Variants in SEMA3A observed in about 807,000 individuals in gnomAD.
SEMA3A encodes semaphorin-3A.
A neutral mutation model predicts 97.9 loss-of-function variants in SEMA3A; 29 were observed. The ratio of observed to expected loss-of-function variants is 0.30; its 90% CI spans 0.22 to 0.40. SEMA3A has a LOEUF of 0.40. SEMA3A is among the 10% of genes least tolerant of loss of function. SEMA3A has a pLI of 1.00. For synonymous variants in SEMA3A, 321 were observed against 323.7 expected, an observed-to-expected ratio of 0.99 and a Z score of 0.09; for missense variants, 763 against 951.3, an observed-to-expected ratio of 0.80 and a Z score of 2.60.
intron 2 of SEMA3A, among the ~76,000 whole-genome samples, chr7:84,353,455 G>A (rs1802482926): frequency 6.6e-6 from 1 of 151,614 alleles, no homozygotes; most frequent in African/African-American, 2.4e-5. Flanking sequence ...AAAAAAGAAT[G>A]TGATCCAGAA....
intron 1 of SEMA3A, among the ~76,000 whole-genome samples, chr7:84,158,548 T>C (rs1299914756): frequency 6.6e-6 from 1 of 152,180 alleles, no homozygotes; most frequent in East Asian, 1.9e-4. Context: ...CTTCAGAGCA[T>C]TTATCATAGG....
chr7:84,425,876 A>ACACC (rs1033684340), intron 1 of SEMA3A, among the ~76,000 whole-genome samples: 1 of 81,986 alleles, frequency 1.2e-5, no homozygotes. Context: ...ACACACACAC[A>ACACC]CCCACACACA....
chr7:84,021,422 A>C (rs531784456), intron 6 of SEMA3A, among the ~76,000 whole-genome samples: 6 of 152,084 alleles, frequency 3.9e-5, no homozygotes, highest in Non-Finnish European at 8.8e-5. Flanking sequence ...TTTTCCAGTA[A>C]GATTATTTTT....
intron 15 of SEMA3A, among the ~76,000 whole-genome samples, chr7:83,974,968 C>T (rs187396342): frequency 3.5e-4 from 53 of 152,172 alleles, no homozygotes; most frequent in Admixed American, 1.1e-3. Context: ...GTGCATCTGA[C>T]GTAAGAATCA....
At chr7:84,015,332 G>A (rs529242505) in intron 6 of SEMA3A, among the ~76,000 whole-genome samples, 79 of 152,150 alleles carry the variant, frequency 5.2e-4, no homozygotes, top group African/African-American at 1.8e-3. Context: ...TGTGCAATGA[G>A]AAAAGAAAAG....
chr7:84,146,662 C>T (rs918255274), intron 1 of SEMA3A, among the ~76,000 whole-genome samples: 7 of 152,224 alleles, frequency 4.6e-5, no homozygotes, highest in South Asian at 2.1e-4. Flanking sequence ...ATAATTCAAA[C>T]GTGCATTGCT....
intron 1 of SEMA3A, among the ~76,000 whole-genome samples, chr7:84,412,490 C>T (rs1033532821): frequency 6.6e-6 from 1 of 152,090 alleles, no homozygotes; most frequent in African/African-American, 2.4e-5. Context: ...AGTAATGGTA[C>T]ATGTCAGTCA....
chr7:84,162,959 A>T (rs1243963763), intron 1 of SEMA3A, among the ~76,000 whole-genome samples: 3 of 152,240 alleles, frequency 2.0e-5, no homozygotes, highest in African/African-American at 7.2e-5. Flanking sequence ...CATGGAGGTT[A>T]GGATCTTGCA....
At chr7:84,253,511 C>T (rs73183125) in intron 3 of SEMA3A, among the ~76,000 whole-genome samples, 7,255 of 151,964 alleles carry the variant, frequency 0.048, 230 homozygotes, top group Non-Finnish European at 0.069. Flanking sequence ...TATATATTTA[C>T]GTATATATAG....
intron 4 of SEMA3A, among the ~76,000 whole-genome samples, chr7:84,078,735 A>G (rs1022048439): frequency 6.6e-6 from 1 of 151,872 alleles, no homozygotes; most frequent in Non-Finnish European, 1.5e-5. Context: ...TAATTATGTA[A>G]TATATATGTT....
At chr7:84,250,146 T>C (rs1473099103) in intron 3 of SEMA3A, among the ~76,000 whole-genome samples, 1 of 151,996 alleles carries the variant, frequency 6.6e-6, no homozygotes, top group Non-Finnish European at 1.5e-5. Context: ...GTGATTTCTT[T>C]TGAAAAATTA....
At chr7:84,351,513 T>G (rs1310474053) in intron 2 of SEMA3A, among the ~76,000 whole-genome samples, 3 of 151,706 alleles carry the variant, frequency 2.0e-5, no homozygotes, top group Non-Finnish European at 4.4e-5. Flanking sequence ...GCTTAAAACA[T>G]TCAATAGGAA....
intron 5 of SEMA3A, among the ~76,000 whole-genome samples, chr7:84,052,039 C>T (rs1410729358): frequency 1.3e-5 from 2 of 151,980 alleles, no homozygotes; most frequent in African/African-American, 2.4e-5. Context: ...ATTGAACCAG[C>T]CTTGCATCCC....
chr7:83,984,064 G>A (rs1241953287), intron 13 of SEMA3A, among the ~76,000 whole-genome samples: 2 of 152,032 alleles, frequency 1.3e-5, no homozygotes, highest in Non-Finnish European at 2.9e-5. Flanking sequence ...TTCTTTGTCA[G>A]TAAAATGTTG....
chr7:84,199,805 T>C (rs982907552), upstream of SEMA3A, among the ~76,000 whole-genome samples: 1 of 152,026 alleles, frequency 6.6e-6, no homozygotes, highest in Non-Finnish European at 1.5e-5. Flanking sequence ...TTGGAGAAAA[T>C]AAATAGTTGA....
At chr7:84,383,172 G>C (rs1484277194) in intron 1 of SEMA3A, among the ~76,000 whole-genome samples, 3 of 151,948 alleles carry the variant, frequency 2.0e-5, no homozygotes, top group Non-Finnish European at 2.9e-5. Flanking sequence ...TAATGAACTG[G>C]AGAAAACCAA....
At chr7:83,966,787 C>A (rs1382914958) in intron 15 of SEMA3A, among the ~76,000 whole-genome samples, 1 of 151,866 alleles carries the variant, frequency 6.6e-6, no homozygotes, top group Non-Finnish European at 1.5e-5. Flanking sequence ...TCTCGGCTCA[C>A]GGCAACCTCC....
At chr7:84,268,459 G>A (rs995613180) in intron 3 of SEMA3A, among the ~76,000 whole-genome samples, 2 of 152,036 alleles carry the variant, frequency 1.3e-5, no homozygotes, top group Non-Finnish European at 2.9e-5. Flanking sequence ...GTGAAAATGA[G>A]AGGGGAAGGC....
chr7:84,158,632 T>C (rs1185480143), intron 1 of SEMA3A, among the ~76,000 whole-genome samples: 1 of 152,166 alleles, frequency 6.6e-6, no homozygotes, highest in African/African-American at 2.4e-5. Flanking sequence ...ATAAGTGTCA[T>C]TTGGGTAGTG....
Sources: allele counts gnomAD v4.1 joint callset (sites outside exome capture counted in the v4.1 genomes callset), GRCh38; gene constraint gnomAD v4.1.1; transcripts MANE v1.5; gene names NCBI Gene and HGNC (gene_info 2026-07-23, HGNC 2026-07-21).